CRKL: variants seen among roughly 807,000 people sequenced by gnomAD.
CRKL encodes the protein CRK like proto-oncogene, adaptor protein.
Under a neutral mutation model 23.0 loss-of-function variants are expected in CRKL, and 3 were observed. The observed-to-expected ratio is 0.13, with a 90% CI of 0.06 to 0.34. The LOEUF (loss-of-function observed/expected upper bound fraction) is 0.34, where lower values mean the gene tolerates loss of function less well. Ranked by LOEUF, CRKL falls within the 10% of genes least tolerant of loss-of-function variation. CRKL has a pLI of 1.00. For missense variants in CRKL, 256 were observed against 394.5 expected, an observed-to-expected ratio of 0.65 and a Z score of 2.97; for synonymous variants, 188 against 160.7, an observed-to-expected ratio of 1.17 and a Z score of -1.28.
In CRKL at chr22:20,922,006, C is replaced by CTTTTTT. The variant is rs66728040; in HGVS notation, c.311+3779_311+3784dup. On this transcript the variant is annotated intron_variant, in intron 1 of 2. Coordinates refer to ENST00000354336, the MANE Select transcript of CRKL (RefSeq NM_005207.4). The stretch of plus-strand genomic sequence containing the variant: ...TACAAGTGTGAGCCACTGCGCCCGG[C>CTTTTTT]TTTTTTTTTTTTTTTTTTTTTTTGG... 8.6e-5 allele frequency among the ~76,000 whole-genome samples: 6 copies of CTTTTTT among 69,934 alleles called. 1 individual carries two copies. The highest frequency in any genetic ancestry group is 1.1e-4 in the Non-Finnish European group (4 of 37,704). 45.9% of individuals were successfully genotyped at this position (69,934 alleles called of 152,430 possible). A position where few individuals can be genotyped will look rare whatever the true frequency, so the allele number is the denominator to read the frequency against.
chr22:20,935,525 T>TTC (rs1921623710), intron 2 of CRKL, among the ~76,000 whole-genome samples: 2 of 150,940 alleles, frequency 1.3e-5, no homozygotes, highest in South Asian at 4.2e-4. Context: ...TTCTTTTCTT[T>TTC]TTTTTTTTTT....
chr22:20,929,266 A>C (rs1249138871), intron 1 of CRKL, among the ~76,000 whole-genome samples: 1 of 141,862 alleles, frequency 7.0e-6, no homozygotes, highest in African/African-American at 2.6e-5. Flanking sequence ...CCGGGTTCAC[A>C]CCATTCTCCT....
chr22:20,935,258 G>T (rs1215000645), intron 2 of CRKL, among the ~76,000 whole-genome samples: 2 of 151,980 alleles, frequency 1.3e-5, no homozygotes, highest in Non-Finnish European at 2.9e-5. Flanking sequence ...GATTACAGAT[G>T]CCTGCCACCA....
At chr22:20,921,804 G>T (rs1410799812) in intron 1 of CRKL, among the ~76,000 whole-genome samples, 2 of 151,684 alleles carry the variant, frequency 1.3e-5, no homozygotes, top group African/African-American at 4.8e-5. Flanking sequence ...CGCCTCCTGG[G>T]TTCACACCAT....
At chr22:20,946,370 A>C (rs1382639591) in intron 2 of CRKL, among the ~76,000 whole-genome samples, 1 of 152,140 alleles carries the variant, frequency 6.6e-6, no homozygotes, top group Non-Finnish European at 1.5e-5. Flanking sequence ...CTCTTGGTAG[A>C]CATAAAAGGG....
chr22:20,933,304 A>G (rs1295878766), intron 1 of CRKL, among the ~76,000 whole-genome samples: 4 of 151,754 alleles, frequency 2.6e-5, no homozygotes, highest in Non-Finnish European at 5.9e-5. Flanking sequence ...TGGGATGCAG[A>G]GGTTGCAGTG....
intron 1 of CRKL, among the ~76,000 whole-genome samples, chr22:20,933,484 T>C (rs1305478956): frequency 2.0e-5 from 3 of 150,868 alleles, no homozygotes; most frequent in Non-Finnish European, 2.9e-5. Flanking sequence ...CTGGCCAACA[T>C]GGTGAAACCC....
At chr22:20,941,588 ATTTTTTTT>A (rs1198699701) in intron 2 of CRKL, among the ~76,000 whole-genome samples, 1 of 33,554 alleles carries the variant, frequency 3.0e-5, no homozygotes, top group Non-Finnish European at 5.0e-5. Flanking sequence ...GTATATATAT[ATTTTTTTT>A]TTTTTTTTTT....
intron 2 of CRKL, among the ~76,000 whole-genome samples, chr22:20,943,068 C>G (rs779826776): frequency 6.6e-6 from 1 of 152,074 alleles, no homozygotes; most frequent in East Asian, 1.9e-4. Flanking sequence ...TTTATTATAG[C>G]CATCCTAGTA....
At position 20,917,649 on chromosome 22, in the gene CRKL, C is replaced by G. The variant is rs1161267199; in HGVS notation, c.-286C>G. 8.7e-6 allele frequency: 4 copies of G among 458,352 alleles called. No homozygotes were observed. Among genetic ancestry groups the G allele is most frequent in the Non-Finnish European group, 1.5e-5 (4 of 259,002 alleles). The allele number at this position is 458,352 out of a possible 1,614,324, so 28.4% of individuals were successfully genotyped here. The stretch of plus-strand genomic sequence containing the variant: ...GGGACGCCGAGCAGCCCGAGAACCC[C>G]GGGGTGGCCTCCGCTGCGGCTCGGG... On this transcript the variant is annotated 5_prime_UTR_variant, in exon 1 of 3. Transcript: ENST00000354336.
At position 20,927,111 on chromosome 22, in the gene CRKL, C is replaced by CAAAA. The variant is rs371278201; in HGVS notation, c.312-6646_312-6643dup. ...TGGGTGACAGAGCAAGACTCCGTCT[C>CAAAA]AAAAAAAAAAAAAAAAAAAAAAAAA... On this transcript the variant is annotated intron_variant, in intron 1 of 2. Coordinates refer to ENST00000354336, the MANE Select transcript of CRKL (RefSeq NM_005207.4). Among the ~76,000 whole-genome samples, 106 of 48,460 alleles carry CAAAA rather than the reference C, an allele frequency of 2.2e-3. 3 individuals are homozygous for CAAAA. The highest frequency in any genetic ancestry group is 3.5e-3 in the Admixed American group (8 of 2,274). 31.8% of individuals were successfully genotyped at this position (48,460 alleles called of 152,430 possible). A position where few individuals can be genotyped will look rare whatever the true frequency, so the allele number is the denominator to read the frequency against.
chr22:20,930,220 C>T (rs1921389466), intron 1 of CRKL, among the ~76,000 whole-genome samples: 1 of 152,138 alleles, frequency 6.6e-6, no homozygotes, highest in Non-Finnish European at 1.5e-5. Flanking sequence ...GCCTCCCTAA[C>T]CCAGGAATTT....
At chr22:20,927,517 T>G (rs1434321668) in intron 1 of CRKL, among the ~76,000 whole-genome samples, 1 of 150,862 alleles carries the variant, frequency 6.6e-6, no homozygotes, top group African/African-American at 2.4e-5. Context: ...TTCTACCTTT[T>G]TTTTTTTTTT....
At chr22:20,933,355 A>G (rs5752273) in intron 1 of CRKL, among the ~76,000 whole-genome samples, 115,624 of 151,054 alleles carry the variant, frequency 0.77, 44,807 homozygotes, top group East Asian at 0.92. Flanking sequence ...GGGCAACAGA[A>G]CAAGACTCCA....
intron 1 of CRKL, among the ~76,000 whole-genome samples, chr22:20,927,732 A>T (rs987839648): frequency 6.8e-6 from 1 of 146,806 alleles, no homozygotes; most frequent in African/African-American, 2.6e-5. Flanking sequence ...AATCCCAGCT[A>T]CTTGGGACGC....
Position 20,918,225 on chromosome 22 carries a change from C to T in CRKL, c.291C>T (p.Thr97=), listed in dbSNP as rs1929761745. The T allele has an allele frequency of 2.5e-6, 4 of 1,613,938 alleles. No homozygotes were observed. Among genetic ancestry groups the T allele is most frequent in the Non-Finnish European group, 3.4e-6 (4 of 1,180,002 alleles). The change falls in exon 1 of 3, where the codon ACC becomes ACT. Residue 97 remains threonine, a synonymous_variant. Coordinates refer to ENST00000354336, the MANE Select transcript of CRKL (RefSeq NM_005207.4). ...FYKIHYLDTT[T]LIEPAPRYPS... ...AGATCCACTACCTGGACACCACCAC[C>T]CTCATCGAGCCTGCGCCCAGGTACG...
rs546046345 is a variant in CRKL, at chr22:20,945,482, C to T, written c.778-4229C>T. On this transcript the variant is annotated intron_variant, in intron 2 of 2. Coordinates refer to ENST00000354336, the MANE Select transcript of CRKL (RefSeq NM_005207.4). ...CATACTGGCCTGTGATACCTTTAGC[C>T]CCGCCCCCTACCTTTCCCAAATAAA... 5.3e-5 allele frequency among the ~76,000 whole-genome samples: 8 copies of T among 152,152 alleles called. No individual in the cohort carries two copies. The South Asian group carries it at 1.5e-3, about 28-fold the overall frequency.
intron 1 of CRKL, among the ~76,000 whole-genome samples, chr22:20,928,704 A>T (rs1440087600): frequency 6.6e-6 from 1 of 150,870 alleles, no homozygotes; most frequent in Non-Finnish European, 1.5e-5. Context: ...TCCCAGCTAC[A>T]CAGAAGGCTG....
chr22:20,918,382 C>T, intron 1 of CRKL, 137 bp downstream of exon 1: 3 of 1,002,510 alleles, frequency 3.0e-6, no homozygotes, highest in Non-Finnish European at 4.3e-6. Flanking sequence ...GAAGGCCTTC[C>T]TAACAGAAAG....
Sources: allele counts gnomAD v4.1 joint callset (sites outside exome capture counted in the v4.1 genomes callset), GRCh38; gene constraint gnomAD v4.1.1; transcripts MANE v1.5; gene names NCBI Gene and HGNC (gene_info 2026-07-23, HGNC 2026-07-21).